Variants in SCYL2 observed in about 807,000 individuals in gnomAD.
The protein encoded by SCYL2 is SCY1-like protein 2.
SCYL2 carries 36 observed loss-of-function variants against 100.4 expected under a neutral mutation model. The observed-to-expected ratio is 0.36, with a 90% CI of 0.27 to 0.47. The LOEUF (loss-of-function observed/expected upper bound fraction) is 0.47. Ranked by LOEUF, SCYL2 falls within the 20% of genes least tolerant of loss-of-function variation. The pLI is 1.00. For synonymous variants in SCYL2, 330 were observed against 359.2 expected (o/e 0.92, Z 0.92); for missense variants, 902 against 1,083.9 (o/e 0.83, Z 2.36).
chr12:100,270,868 C>G (rs1006053160), intron 1 of SCYL2, among the ~76,000 whole-genome samples: 1 of 151,858 alleles, frequency 6.6e-6, no homozygotes, highest in African/African-American at 2.4e-5. Flanking sequence ...TCTCCCCCTG[C>G]ATTTAGCATG....
Position 100,341,322 on chromosome 12 carries a change from A to G in SCYL2, c.*2150A>G, listed in dbSNP as rs1439670719. ...AATGAAATTTTCAAAGTACTAGATC[A>G]CCTTAAAATTATTTCACGTACTGAA... On this transcript the variant is annotated 3_prime_UTR_variant, in exon 18 of 18. Coordinates refer to ENST00000360820, the MANE Select transcript of SCYL2 (RefSeq NM_017988.6). 5 of 152,164 alleles carry G rather than the reference A, an allele frequency of 3.3e-5. No homozygotes were observed. Among genetic ancestry groups the G allele is most frequent in the African/African-American group, 1.2e-4 (5 of 41,454 alleles). The allele number at this position is 152,164 out of a possible 1,614,324, so 9.4% of individuals were successfully genotyped here. A position where few individuals can be genotyped will look rare whatever the true frequency, so the allele number is the denominator to read the frequency against.
intron 1 of SCYL2, among the ~76,000 whole-genome samples, chr12:100,272,873 G>T (rs981238642): frequency 6.6e-6 from 1 of 152,052 alleles, no homozygotes; most frequent in South Asian, 2.1e-4. Flanking sequence ...AGTATATAAC[G>T]TAGTTTAACA....
intron 1 of SCYL2, among the ~76,000 whole-genome samples, chr12:100,274,033 A>C (rs2096290174): frequency 6.6e-6 from 1 of 152,210 alleles, no homozygotes; most frequent in Non-Finnish European, 1.5e-5. Context: ...TAGCCAGTAA[A>C]TGTTTTCATA....
At chr12:100,304,247 C>T (rs574246350) in intron 4 of SCYL2, among the ~76,000 whole-genome samples, 10 of 152,124 alleles carry the variant, frequency 6.6e-5, no homozygotes, top group Non-Finnish European at 1.3e-4. Context: ...GCTTCAGCCT[C>T]CTTTCCAGGG....
At chr12:100,309,225 G>A (rs778023106) in intron 4 of SCYL2, among the ~76,000 whole-genome samples, 1 of 151,912 alleles carries the variant, frequency 6.6e-6, no homozygotes, top group Non-Finnish European at 1.5e-5. Flanking sequence ...ATCTTACTCT[G>A]CCCTCTTCCA....
chr12:100,283,299 C>CA (rs1265481372), intron 2 of SCYL2, 152 bp downstream of exon 2: 12 of 609,110 alleles, frequency 2.0e-5, no homozygotes, highest in South Asian at 1.2e-4. Flanking sequence ...TTAAGTCATA[C>CA]AAAAAAACAA....
intron 4 of SCYL2, among the ~76,000 whole-genome samples, chr12:100,304,978 A>C (rs1285055844): frequency 6.6e-6 from 1 of 152,178 alleles, no homozygotes; most frequent in East Asian, 1.9e-4. Flanking sequence ...TATGCATCCA[A>C]TACAGGAGCA....
chr12:100,310,418 G>GC lies in SCYL2; in HGVS notation c.481-624dup, dbSNP rs566927433. Among the ~76,000 whole-genome samples the GC allele has an allele frequency of 4.6e-5, 7 of 152,220 alleles. No homozygotes were observed. In the East Asian group the frequency reaches 7.7e-4, roughly 17 times the overall value. ...CGAGCATCTTTTCATGTGTTTATTG[G>GC]CCATTCATATGTCTTCTTTGGAATG... On this transcript the variant is annotated intron_variant, in intron 4 of 17. Transcript: ENST00000360820.
chr12:100,283,205 G>T (rs1420978702), intron 2 of SCYL2, 58 bp downstream of exon 2: 4 of 1,416,950 alleles, frequency 2.8e-6, no homozygotes, highest in Non-Finnish European at 3.8e-6. Flanking sequence ...ACCATAAAAT[G>T]CATGTGTGCA....
intron 9 of SCYL2, among the ~76,000 whole-genome samples, chr12:100,317,259 A>G (rs2096349975): frequency 6.6e-6 from 1 of 152,176 alleles, no homozygotes; most frequent in Admixed American, 6.5e-5. Context: ...TAAAATAAAA[A>G]AAATTTTTTT....
intron 10 of SCYL2, 134 bp downstream of exon 10, chr12:100,318,059 A>C: frequency 2.6e-6 from 2 of 764,136 alleles, no homozygotes; most frequent in Non-Finnish European, 3.9e-6. Flanking sequence ...TTTGAATCAC[A>C]TTATTGATAT....
chr12:100,325,248 C>G (rs921016264), intron 11 of SCYL2, among the ~76,000 whole-genome samples: 3 of 152,076 alleles, frequency 2.0e-5, no homozygotes, highest in Admixed American at 6.6e-5. Flanking sequence ...AGTACCTGTT[C>G]TAGTTCAGTT....
rs200040689 is a variant in SCYL2 at position 100,335,867 on chromosome 12, C to T, written c.1986C>T (p.Ser662=). The change falls in exon 16 of 18, where the codon TCC becomes TCT. Residue 662 remains serine, a synonymous_variant. Transcript: ENST00000360820. The part of the protein sequence containing the change: ...IGADLLTGSE[S]ENKEDGLQNK... ...CAGACCTTCTGACTGGCAGTGAGTC[C>T]GAAAATAAAGAGGACGGGTTACAGA... 7.0e-5 allele frequency: 113 copies of T among 1,612,994 alleles called. No homozygotes were observed. The highest frequency in any genetic ancestry group is 1.0e-4 in the Admixed American group (6 of 59,946).
At chr12:100,280,329 C>T (rs892760201) in intron 1 of SCYL2, among the ~76,000 whole-genome samples, 29 of 152,026 alleles carry the variant, frequency 1.9e-4, no homozygotes, top group African/African-American at 6.5e-4. Context: ...TTCATAACTA[C>T]AAAATGGTTT....
At chr12:100,271,534 G>T (rs888028479) in intron 1 of SCYL2, among the ~76,000 whole-genome samples, 1 of 152,088 alleles carries the variant, frequency 6.6e-6, no homozygotes, top group Admixed American at 6.6e-5. Context: ...AGACCTTTGT[G>T]CCCCTTTAAG....
At chr12:100,322,329 C>T (rs963148828) in intron 10 of SCYL2, among the ~76,000 whole-genome samples, 4 of 135,186 alleles carry the variant, frequency 3.0e-5, no homozygotes, top group Admixed American at 7.7e-5. Context: ...GCCGAGATCG[C>T]GCCACTGCAC....
intron 3 of SCYL2, chr12:100,291,918 C>A: frequency 2.7e-6 from 1 of 363,652 alleles, no homozygotes; most frequent in Middle Eastern, 7.5e-4. Flanking sequence ...CTACAATAGT[C>A]AAAATAGAAC....
rs976708822 is a variant in SCYL2 at position 100,291,444 on chromosome 12, A to G, written c.178-59A>G. The G allele has an allele frequency of 8.8e-6, 10 of 1,141,086 alleles. No individual in the cohort carries two copies. In the African/African-American group the frequency reaches 1.5e-4, roughly 17 times the overall value. 70.7% of individuals were successfully genotyped at this position (1,141,086 alleles called of 1,614,324 possible). A position where few individuals can be genotyped will look rare whatever the true frequency, so the allele number is the denominator to read the frequency against. On this transcript the variant is annotated intron_variant, in intron 2 of 17. Coordinates refer to ENST00000360820, the MANE Select transcript of SCYL2 (RefSeq NM_017988.6). ...TAGTTATTTGTAGATTGTGACATTCATATAATTTTATTACTTTTCTATATT... is the reference window on the plus strand; with the variant it reads ...TAGTTATTTGTAGATTGTGACATTCGTATAATTTTATTACTTTTCTATATT...
intron 4 of SCYL2, among the ~76,000 whole-genome samples, chr12:100,307,773 A>T (rs1174327846): frequency 6.6e-6 from 1 of 152,232 alleles, no homozygotes; most frequent in Non-Finnish European, 1.5e-5. Context: ...TCCAGAATCT[A>T]CAAGGAACTT....
Sources: allele counts gnomAD v4.1 joint callset (sites outside exome capture counted in the v4.1 genomes callset), GRCh38; gene constraint gnomAD v4.1.1; transcripts MANE v1.5; gene names NCBI Gene and HGNC (gene_info 2026-07-23, HGNC 2026-07-21).